Variants in PTDSS1 observed in about 807,000 individuals in gnomAD.
PTDSS1 encodes the protein PSS-1.
A neutral mutation model predicts 70.5 loss-of-function variants in PTDSS1; 45 were observed. That is an observed-to-expected ratio of 0.64 (90% confidence interval 0.50 to 0.82). The LOEUF (loss-of-function observed/expected upper bound fraction) is 0.82, where lower values mean the gene tolerates loss of function less well. Among genes scored for constraint, PTDSS1 ranks in the 40% least tolerant of loss-of-function variants. PTDSS1 has a pLI of 0.00. For missense variants in PTDSS1, 417 were observed against 586.1 expected (o/e 0.71, Z 2.98); for synonymous variants, 188 against 203.8 (o/e 0.92, Z 0.66).
At chr8:96,310,286 T>A (rs1258348418) in intron 9 of PTDSS1, among the ~76,000 whole-genome samples, 3 of 149,200 alleles carry the variant, frequency 2.0e-5, no homozygotes, top group Non-Finnish European at 3.0e-5. Flanking sequence ...TGCCTCAGCC[T>A]CCCAAGTAGC....
At chr8:96,333,399 G>T in intron 12 of PTDSS1, 58 bp from the exon 13 acceptor site, 1 of 1,499,002 alleles carries the variant, frequency 6.7e-7, no homozygotes, top group South Asian at 1.1e-5. Flanking sequence ...GTCTGGAAAG[G>T]GACAGTCACC....
intron 9 of PTDSS1, among the ~76,000 whole-genome samples, chr8:96,313,088 G>T (rs1811235179): frequency 6.6e-6 from 1 of 152,162 alleles, no homozygotes; most frequent in African/African-American, 2.4e-5. Context: ...GGTCAAATAG[G>T]ATCACCCGCC....
intron 10 of PTDSS1, among the ~76,000 whole-genome samples, chr8:96,324,392 C>G (rs1811411066): frequency 6.6e-6 from 1 of 152,184 alleles, no homozygotes; most frequent in Admixed American, 6.5e-5. Context: ...ATAGTAACCA[C>G]CCCACTTTTT....
At position 96,297,202 on chromosome 8, in the gene PTDSS1, G is replaced by A. The variant is rs531637669; in HGVS notation, c.600+1946G>A. On this transcript the variant is annotated intron_variant, in intron 5 of 12. Coordinates refer to ENST00000517309, the MANE Select transcript of PTDSS1 (RefSeq NM_014754.3). ...CCATTACTCTGTTTTTTTTTGAGAC[G>A]GAGTCTTGCTTTGTTGCCCAGGCTG... 9.2e-5 allele frequency among the ~76,000 whole-genome samples: 14 copies of A among 151,726 alleles called. No individual in the cohort carries two copies. In the South Asian group the frequency reaches 1.2e-3, roughly 14 times the overall value.
At chr8:96,308,359 T>C (rs1342444320) in intron 8 of PTDSS1, among the ~76,000 whole-genome samples, 1 of 152,242 alleles carries the variant, frequency 6.6e-6, no homozygotes, top group East Asian at 1.9e-4. Context: ...TTCTTCACTC[T>C]GGTCTTTGGG....
rs370302317 is a variant in PTDSS1, at chr8:96,320,321, T to C, written c.1149T>C (p.Tyr383=). The C allele has an allele frequency of 3.7e-6, 6 of 1,612,174 alleles. No homozygotes were observed. The African/African-American group carries it at 8.0e-5, about 22-fold the overall frequency. Reference sequence around the variant, plus strand: ...TCTTCTCTAAGACCCAAATACTCTATGTTGTGCTTTGGCTTCTTTGCGTGG... The same window carrying C: ...TCTTCTCTAAGACCCAAATACTCTACGTTGTGCTTTGGCTTCTTTGCGTGG... The part of the protein sequence containing the change: ...QDLFSKTQIL[Y]VVLWLLCVAF... The change falls in exon 10 of 13, where the codon TAT becomes TAC. Residue 383 remains tyrosine, a synonymous_variant. Transcript: ENST00000517309.
chr8:96,308,033 A>C lies in PTDSS1; in HGVS notation c.1007+1477A>C, dbSNP rs539107720. 2.6e-5 allele frequency among the ~76,000 whole-genome samples: 4 copies of C among 152,294 alleles called. No homozygotes were observed. In the South Asian group the frequency reaches 6.2e-4, roughly 24 times the overall value. On this transcript the variant is annotated intron_variant, in intron 8 of 12. Transcript: ENST00000517309. ...ATGTAAGGAGTTTCTTTGACAAGTT[A>C]CTCGGAAAGATGGATGTGCTGCTAA... is the stretch of plus-strand genomic sequence containing the variant.
intron 2 of PTDSS1, among the ~76,000 whole-genome samples, chr8:96,277,938 G>A (rs1810672562): frequency 6.6e-6 from 1 of 152,206 alleles, no homozygotes; most frequent in Non-Finnish European, 1.5e-5. Flanking sequence ...ATTTTCTTAC[G>A]TAACAAGACG....
At chr8:96,278,400 A>G (rs144942655) in intron 2 of PTDSS1, among the ~76,000 whole-genome samples, 1,843 of 152,276 alleles carry the variant, frequency 0.012, 48 homozygotes, top group African/African-American at 0.042. Flanking sequence ...TTGTGTGACA[A>G]TCAACAGGGT....
chr8:96,273,977 G>C (rs993851405), intron 2 of PTDSS1, among the ~76,000 whole-genome samples: 3 of 152,118 alleles, frequency 2.0e-5, no homozygotes, highest in Non-Finnish European at 4.4e-5. Context: ...TGTTTAAAAA[G>C]TAAGTTTGGT....
Position 96,333,500 on chromosome 8 carries a change from C to T in PTDSS1, c.1356C>T (p.Ser452=). ...CCAAGCATGCAGGCAACAACGAAAG[C>T]CATTCTTCCAGGAGAAGGAATCGGC... is the stretch of plus-strand genomic sequence containing the variant. ...SPPKHAGNNE[S]HSSRRRNRHS... is the part of the protein sequence containing the mutation. The change falls in exon 13 of 13, where the codon AGC becomes AGT. Residue 452 remains serine (S), a synonymous_variant. Coordinates refer to ENST00000517309, the MANE Select transcript of PTDSS1 (RefSeq NM_014754.3). The T allele has an allele frequency of 6.2e-7, 1 of 1,614,020 alleles. No homozygotes were observed. Among genetic ancestry groups the T allele is most frequent in the Non-Finnish European group, 8.5e-7 (1 of 1,179,972 alleles).
At chr8:96,315,067 G>T (rs28588175) in intron 9 of PTDSS1, among the ~76,000 whole-genome samples, 65,710 of 151,724 alleles carry the variant, frequency 0.43, 14,646 homozygotes, top group Middle Eastern at 0.47. Flanking sequence ...AAGTTGACAG[G>T]AGCACAATAG....
Position 96,261,925 on chromosome 8 carries a change from G to A in PTDSS1, c.-116G>A, listed in dbSNP as rs1419593502. ...TTCCCTCTGCTCCCAGCCTTTGCTG[G>A]GCGCCAGACCCGGCTTTGCCGTCCG... On this transcript the variant is annotated 5_prime_UTR_variant, in exon 1 of 13. Coordinates refer to ENST00000517309, the MANE Select transcript of PTDSS1 (RefSeq NM_014754.3). The A allele has an allele frequency of 2.7e-6, 3 of 1,124,182 alleles. No homozygotes were observed. The highest frequency in any genetic ancestry group is 3.7e-6 in the Non-Finnish European group (3 of 807,606). The allele number at this position is 1,124,182 out of a possible 1,614,324, so 69.6% of individuals were successfully genotyped here.
At chr8:96,287,248 CTG>C in intron 4 of PTDSS1, 102 bp downstream of exon 4, 1 of 1,459,902 alleles carries the variant, frequency 6.8e-7, no homozygotes, top group Non-Finnish European at 9.3e-7. Context: ...TCTGTATTTC[CTG>C]TGTAGTTACC....
chr8:96,310,709 A>G lies in PTDSS1; in HGVS notation c.1073+1087A>G, dbSNP rs567177348. On this transcript the variant is annotated intron_variant, in intron 9 of 12. Transcript: ENST00000517309. ...ACTGAAGTATAATTTTATTGTTCCA[A>G]AGAGTACTAACATACAGCAGCATGG... 4.2e-3 allele frequency among the ~76,000 whole-genome samples: 640 copies of G among 152,220 alleles called. 3 individuals are homozygous for G. Among genetic ancestry groups the G allele is most frequent in the African/African-American group, 0.012 (505 of 41,542 alleles).
At chr8:96,273,802 T>C (rs777355189) in intron 2 of PTDSS1, among the ~76,000 whole-genome samples, 1 of 152,254 alleles carries the variant, frequency 6.6e-6, no homozygotes, top group Non-Finnish European at 1.5e-5. Context: ...GGGTCAATGC[T>C]GTAATGAGTA....
chr8:96,269,255 G>A (rs1047670600), intron 1 of PTDSS1, among the ~76,000 whole-genome samples: 1 of 152,148 alleles, frequency 6.6e-6, no homozygotes, highest in African/African-American at 2.4e-5. Context: ...GTGTGTGACT[G>A]TGGGCAAGAT....
chr8:96,291,516 T>C (rs1487129724), intron 4 of PTDSS1, among the ~76,000 whole-genome samples: 1 of 152,050 alleles, frequency 6.6e-6, no homozygotes, highest in Non-Finnish European at 1.5e-5. Context: ...TGTTGACATT[T>C]CTGCAGTCGC....
chr8:96,292,702 CAA>C (rs1810924619), intron 4 of PTDSS1, among the ~76,000 whole-genome samples: 1 of 152,160 alleles, frequency 6.6e-6, no homozygotes, highest in Admixed American at 6.5e-5. Context: ...GAAACAGAAA[CAA>C]GAGTTCAAAA....
Sources: gnomAD v4.1 joint callset for allele counts (sites outside exome capture counted in the v4.1 genomes callset) on GRCh38, gnomAD v4.1.1 for gene constraint, MANE v1.5 for transcripts, NCBI Gene and HGNC (gene_info 2026-07-23, HGNC 2026-07-21) for gene names.